The following PDGFD variants were observed in gnomAD, a reference collection of about 807,000 sequenced individuals.
The protein encoded by PDGFD is platelet derived growth factor D, also known as platelet-derived growth factor D.
Under a neutral mutation model 44.7 loss-of-function variants are expected in PDGFD, and 30 were observed. The observed-to-expected ratio is 0.67, with a 90% CI of 0.50 to 0.91. PDGFD has a LOEUF of 0.91. Ranked by LOEUF, PDGFD falls within the 40% of genes least tolerant of loss-of-function variation. The pLI, the probability that PDGFD is intolerant of heterozygous loss-of-function variation, is 0.00. For synonymous variants in PDGFD, 173 were observed against 168.4 expected (o/e 1.03, Z -0.21); for missense variants, 445 against 457.8 (o/e 0.97, Z 0.25).
chr11:104,023,740 T>C (rs750805458), intron 1 of PDGFD, among the ~76,000 whole-genome samples: 6 of 152,122 alleles, frequency 3.9e-5, no homozygotes, highest in Non-Finnish European at 8.8e-5. Context: ...GATGAACTAT[T>C]ATAGCTACCA....
intron 3 of PDGFD, among the ~76,000 whole-genome samples, chr11:103,967,187 T>G (rs2134341396): frequency 6.6e-6 from 1 of 152,304 alleles, no homozygotes; most frequent in South Asian, 2.1e-4. Context: ...CCTCTCAAAC[T>G]CAGGCCACTC....
At chr11:104,122,295 A>G (rs1254084814) in intron 1 of PDGFD, among the ~76,000 whole-genome samples, 1 of 152,146 alleles carries the variant, frequency 6.6e-6, no homozygotes, top group South Asian at 2.1e-4. Context: ...AATAAGCAAC[A>G]TGGTGCAGGT....
Position 104,110,497 on chromosome 11 carries a change from T to G in PDGFD, c.124+53307A>C, listed in dbSNP as rs1861537324. Among the ~76,000 whole-genome samples, 6 of 146,950 alleles carry G rather than the reference T, an allele frequency of 4.1e-5. 1 individual carries two copies. The South Asian group carries it at 1.3e-3, about 31-fold the overall frequency. On this transcript the variant is annotated intron_variant, in intron 1 of 6. Transcript: ENST00000393158. ...ACTAAAATATATGAAATAAAACTGC[T>G]TTCTCCTCAAAAAAAAAAACAACAA... is the stretch of plus-strand genomic sequence containing the variant.
At chr11:103,998,460 T>C (rs917501789) in intron 2 of PDGFD, among the ~76,000 whole-genome samples, 1 of 152,196 alleles carries the variant, frequency 6.6e-6, no homozygotes. Context: ...AATACTCTTC[T>C]AGGCTGGTGA....
chr11:104,015,199 G>A (rs1226111977), intron 1 of PDGFD, among the ~76,000 whole-genome samples: 1 of 152,066 alleles, frequency 6.6e-6, no homozygotes, highest in Non-Finnish European at 1.5e-5. Flanking sequence ...TTATTCTGAA[G>A]CACACTCAAT....
intron 6 of PDGFD, among the ~76,000 whole-genome samples, chr11:103,912,755 C>T (rs561634823): frequency 6.6e-6 from 1 of 151,578 alleles, no homozygotes; most frequent in Non-Finnish European, 1.5e-5. Context: ...AAAAGACACA[C>T]ATAGGCTCAA....
intron 6 of PDGFD, among the ~76,000 whole-genome samples, chr11:103,925,033 T>C (rs2134309078): frequency 6.6e-6 from 1 of 151,988 alleles, no homozygotes; most frequent in East Asian, 1.9e-4. Flanking sequence ...CAACTCTCAC[T>C]TATGAGTGAG....
chr11:104,130,000 G>GAAAAAAAAA (rs34312271), intron 1 of PDGFD, among the ~76,000 whole-genome samples: 1 of 128,584 alleles, frequency 7.8e-6, no homozygotes, highest in African/African-American at 3.0e-5. Context: ...CAAGACCTCT[G>GAAAAAAAAA]AAAAAAAAAA....
chr11:104,012,167 C>T (rs539952406), intron 1 of PDGFD, among the ~76,000 whole-genome samples: 9 of 152,050 alleles, frequency 5.9e-5, no homozygotes, highest in African/African-American at 2.2e-4. Flanking sequence ...GAAAATGATA[C>T]AATTAATGAA....
chr11:104,120,648 C>A (rs1861765347), intron 1 of PDGFD, among the ~76,000 whole-genome samples: 1 of 151,930 alleles, frequency 6.6e-6, no homozygotes, highest in African/African-American at 2.4e-5. Flanking sequence ...CCATATGGCA[C>A]AATATCTTCC....
chr11:104,154,198 T>C (rs1441817984), intron 1 of PDGFD, among the ~76,000 whole-genome samples: 1 of 152,144 alleles, frequency 6.6e-6, no homozygotes, highest in Non-Finnish European at 1.5e-5. Context: ...CCATCCCCCA[T>C]TACATTCTAA....
chr11:104,116,625 A>G (rs1591171804), intron 1 of PDGFD, among the ~76,000 whole-genome samples: 1 of 152,186 alleles, frequency 6.6e-6, no homozygotes, highest in Admixed American at 6.6e-5. Context: ...CATAGATGCA[A>G]AAATCCTTAA....
At chr11:103,940,717 A>T (rs1246621638) in intron 5 of PDGFD, among the ~76,000 whole-genome samples, 1 of 152,164 alleles carries the variant, frequency 6.6e-6, no homozygotes, top group African/African-American at 2.4e-5. Flanking sequence ...ATAAATAATT[A>T]AATCAGCACA....
chr11:103,987,662 C>T (rs1025400989), intron 3 of PDGFD, among the ~76,000 whole-genome samples: 1 of 152,174 alleles, frequency 6.6e-6, no homozygotes, highest in Non-Finnish European at 1.5e-5. Flanking sequence ...GAAACTGCTA[C>T]TTTTGAGTCC....
chr11:104,127,240 A>G (rs1225517457), intron 1 of PDGFD, among the ~76,000 whole-genome samples: 2 of 152,166 alleles, frequency 1.3e-5, no homozygotes, highest in African/African-American at 4.8e-5. Flanking sequence ...AATGATTCCC[A>G]CATTTTGCTG....
rs754273079 is a variant in PDGFD at position 103,927,034 on chromosome 11, T to C, written c.865A>G (p.Asn289Asp). ...VNIREELKLA[N>D]VVFFPRCLLV... ...AGGCAACGTGGAAAGAAGACCACAT[T>C]GGCCAACTTCAGCTCTTCTCTTATA... The change falls in exon 6 of 7, where the codon AAT becomes GAT. Residue 289 changes from asparagine to aspartate, a missense_variant. Transcript: ENST00000393158. 3.7e-6 allele frequency: 6 copies of C among 1,614,208 alleles called. No homozygotes were observed. The South Asian group carries it at 6.6e-5, about 18-fold the overall frequency.
chr11:104,137,427 T>C (rs1862023754), intron 1 of PDGFD, among the ~76,000 whole-genome samples: 3 of 151,848 alleles, frequency 2.0e-5, no homozygotes, highest in African/African-American at 2.4e-5. Context: ...TCATGGGAAC[T>C]GGGATATATT....
At chr11:104,034,611 C>T (rs1449625631) in intron 1 of PDGFD, among the ~76,000 whole-genome samples, 1 of 151,754 alleles carries the variant, frequency 6.6e-6, no homozygotes, top group East Asian at 1.9e-4. Flanking sequence ...GAGTACCAAG[C>T]CAGGGAAACA....
chr11:103,949,568 G>C (rs984747808), intron 3 of PDGFD, among the ~76,000 whole-genome samples: 1 of 152,154 alleles, frequency 6.6e-6, no homozygotes, highest in African/African-American at 2.4e-5. Flanking sequence ...GTAATGACAG[G>C]AGCAATCCTC....
Sources: gnomAD v4.1 joint callset for allele counts (sites outside exome capture counted in the v4.1 genomes callset) on GRCh38, gnomAD v4.1.1 for gene constraint, MANE v1.5 for transcripts, NCBI Gene and HGNC (gene_info 2026-07-23, HGNC 2026-07-21) for gene names.